Variants in DPP6 observed in about 807,000 individuals in gnomAD.
DPP6 encodes dipeptidyl peptidase like 6, also known as A-type potassium channel modulatory protein DPP6.
Under a neutral mutation model 122.6 loss-of-function variants are expected in DPP6, and 69 were observed. That is an observed-to-expected ratio of 0.56 (90% CI 0.46 to 0.69). The LOEUF (loss-of-function observed/expected upper bound fraction) is 0.69. Among genes scored for constraint, DPP6 ranks in the 30% least tolerant of loss-of-function variants. The probability of loss-of-function intolerance (pLI) is 0.00; values close to 1 mark genes in which losing one functional copy is unlikely to be tolerated. For missense variants in DPP6, 928 were observed against 1,116.9 expected (o/e 0.83, Z 2.41); for synonymous variants, 418 against 433.1 (o/e 0.97, Z 0.43).
At chr7:153,998,015 G>A (rs1028449723) in intron 1 of DPP6, among the ~76,000 whole-genome samples, 11 of 151,382 alleles carry the variant, frequency 7.3e-5, no homozygotes, top group Non-Finnish European at 1.6e-4. Context: ...GCACCATCAG[G>A]ATGTCTCCAC....
intron 2 of DPP6, among the ~76,000 whole-genome samples, chr7:154,447,825 T>C (rs1234111079): frequency 6.6e-6 from 1 of 152,202 alleles, no homozygotes; most frequent in Non-Finnish European, 1.5e-5. Flanking sequence ...AAAAAGCACA[T>C]GATCATCTGA....
At chr7:154,128,555 C>T (rs1195778259) in intron 1 of DPP6, among the ~76,000 whole-genome samples, 1 of 152,096 alleles carries the variant, frequency 6.6e-6, no homozygotes, top group Non-Finnish European at 1.5e-5. Flanking sequence ...GCGCCCGCCA[C>T]CGCGCCTGGC....
intron 1 of DPP6, among the ~76,000 whole-genome samples, chr7:154,433,822 C>G (rs1487075497): frequency 1.3e-5 from 2 of 152,222 alleles, no homozygotes; most frequent in Non-Finnish European, 2.9e-5. Flanking sequence ...TTCGCGTTTC[C>G]TTACAGGTCC....
intron 1 of DPP6, among the ~76,000 whole-genome samples, chr7:154,206,276 T>C (rs1054018298): frequency 2.6e-5 from 4 of 152,228 alleles, no homozygotes; most frequent in Non-Finnish European, 5.9e-5. Context: ...TCCTCGGCCC[T>C]TGTTCTCCGA....
intron 1 of DPP6, among the ~76,000 whole-genome samples, chr7:154,257,013 T>G (rs1394452877): frequency 6.7e-6 from 1 of 148,392 alleles, no homozygotes. Flanking sequence ...TTTTTTTTTT[T>G]GGAGACAGTG....
chr7:154,846,379 G>C (rs974462638), intron 16 of DPP6, among the ~76,000 whole-genome samples: 5 of 152,034 alleles, frequency 3.3e-5, no homozygotes, highest in African/African-American at 1.2e-4. Context: ...GATGAAGGCT[G>C]ACCTTTCAAC....
At position 154,179,006 on chromosome 7, in the gene DPP6, G is replaced by C. The variant is rs986576391; in HGVS notation, c.243+125943G>C. Among the ~76,000 whole-genome samples, 3 of 152,190 alleles carry C rather than the reference G, an allele frequency of 2.0e-5. No individual in the cohort carries two copies. The East Asian group carries it at 5.8e-4, about 29-fold the overall frequency. The stretch of plus-strand genomic sequence containing the variant: ...GCCCCCAGCCCCTCCAAAGGGTTAT[G>C]AGTCCCAGGATGGCCCAGAAGCAAC... On this transcript the variant is annotated intron_variant, in intron 1 of 25. Coordinates refer to ENST00000377770, the MANE Select transcript of DPP6 (RefSeq NM_130797.4).
At chr7:154,287,993 A>G (rs1303129800) in intron 1 of DPP6, among the ~76,000 whole-genome samples, 8 of 152,190 alleles carry the variant, frequency 5.3e-5, no homozygotes, top group African/African-American at 1.7e-4. Context: ...ATGGGGCAAA[A>G]GTTACTCCCA....
chr7:153,749,945 C>T, the DPP6 span, among the ~76,000 whole-genome samples: 3 of 152,290 alleles, frequency 2.0e-5, no homozygotes, highest in South Asian at 2.1e-4. The surrounding 1 kb of genome is among the most constrained non-coding windows in gnomAD (Gnocchi z 4.1). Context: ...ATCTTATTTT[C>T]GACACCTATT....
intron 1 of DPP6, chr7:153,968,722 C>T (rs1008132853): frequency 1.6e-4 from 25 of 151,784 alleles, no homozygotes; most frequent in African/African-American, 6.1e-4. Context: ...TTGCTAAGCC[C>T]ACTAGGACAC....
At chr7:154,012,660 A>G (rs1451409342) in intron 1 of DPP6, among the ~76,000 whole-genome samples, 4 of 152,104 alleles carry the variant, frequency 2.6e-5, no homozygotes, top group Non-Finnish European at 5.9e-5. Flanking sequence ...AGTACCAAGT[A>G]TACCTTTTCA....
chr7:153,931,669 C>G (rs1238265325), intron 1 of DPP6, among the ~76,000 whole-genome samples: 2 of 152,248 alleles, frequency 1.3e-5, no homozygotes, highest in Non-Finnish European at 2.9e-5. Context: ...CTGTGATACC[C>G]TGAGTACACA....
chr7:154,354,756 G>T (rs1465622945), intron 1 of DPP6, among the ~76,000 whole-genome samples: 2 of 152,170 alleles, frequency 1.3e-5, no homozygotes, highest in African/African-American at 2.4e-5. Context: ...TTTGTTTTAG[G>T]AATGTAGCAC....
chr7:154,328,545 G>T (rs1051841737), intron 1 of DPP6, among the ~76,000 whole-genome samples: 1 of 152,294 alleles, frequency 6.6e-6, no homozygotes, highest in African/African-American at 2.4e-5. Flanking sequence ...TTACTGGCTT[G>T]CCTGGTGTTG....
At chr7:153,924,370 AG>A (rs1219002740) in intron 1 of DPP6, among the ~76,000 whole-genome samples, 1 of 152,086 alleles carries the variant, frequency 6.6e-6, no homozygotes, top group Non-Finnish European at 1.5e-5. Flanking sequence ...GCCTCCCCAA[AG>A]TGCTGGGATT....
At chr7:153,967,206 C>T (rs909908757) in intron 1 of DPP6, among the ~76,000 whole-genome samples, 7 of 152,094 alleles carry the variant, frequency 4.6e-5, no homozygotes, top group African/African-American at 1.5e-4. Flanking sequence ...CACTGCCCAT[C>T]CTGTGCTGGG....
rs574762158 is a variant in DPP6 at position 154,847,773 on chromosome 7, G to A, written c.1667-6007G>A. 2.0e-4 allele frequency among the ~76,000 whole-genome samples: 30 copies of A among 152,158 alleles called. No individual in the cohort carries two copies. The East Asian group carries it at 3.1e-3, about 16-fold the overall frequency. ...ATAGACACCAAAAGGTATTCCTCCCGTCTAACTGAAACTGTGTACCCTTCG... is the reference window on the plus strand; with the variant it reads ...ATAGACACCAAAAGGTATTCCTCCCATCTAACTGAAACTGTGTACCCTTCG... On this transcript the variant is annotated intron_variant, in intron 16 of 25. Coordinates refer to ENST00000377770, the MANE Select transcript of DPP6 (RefSeq NM_130797.4).
At chr7:154,084,977 G>A (rs1461245778) in intron 1 of DPP6, among the ~76,000 whole-genome samples, 5 of 110,740 alleles carry the variant, frequency 4.5e-5, no homozygotes, top group South Asian at 6.7e-4. Context: ...GCGACAGAGC[G>A]AGACTCCGTC....
Position 154,798,884 on chromosome 7 carries a change from G to A in DPP6, c.1300-2471G>A, listed in dbSNP as rs1220599591. Among the ~76,000 whole-genome samples the A allele has an allele frequency of 2.0e-5, 3 of 152,200 alleles. No homozygotes were observed. In the East Asian group the frequency reaches 5.8e-4, roughly 29 times the overall value. On this transcript the variant is annotated intron_variant, in intron 12 of 25. Coordinates refer to ENST00000377770, the MANE Select transcript of DPP6 (RefSeq NM_130797.4). ...CTGTGATATCCTGGAGAACAACTTA[G>A]TAACTTTTTAAGACTGAACCTGCCA...
Sources: gnomAD v4.1 joint callset for allele counts (sites outside exome capture counted in the v4.1 genomes callset) on GRCh38, gnomAD v4.1.1 for gene constraint, Gnocchi (gnomAD v3.1) non-coding constraint, MANE v1.5 for transcripts, NCBI Gene and HGNC (gene_info 2026-07-23, HGNC 2026-07-21) for gene names.